SPOCK2: variants seen among roughly 807,000 people sequenced by gnomAD.
SPOCK2 encodes SPARC (osteonectin), cwcv and kazal like domains proteoglycan 2.
A neutral mutation model predicts 60.1 loss-of-function variants in SPOCK2; 39 were observed. That is an observed-to-expected ratio of 0.65 (90% CI 0.50 to 0.85). The LOEUF (loss-of-function observed/expected upper bound fraction) is 0.85, where lower values mean the gene tolerates loss of function less well. Ranked by LOEUF, SPOCK2 falls within the 40% of genes least tolerant of loss-of-function variation. SPOCK2 has a pLI of 0.00. For missense variants in SPOCK2, 523 were observed against 567.4 expected (o/e 0.92, Z 0.80); for synonymous variants, 217 against 231.5 (o/e 0.94, Z 0.57).
chr10:72,064,762 G>A (rs1840545225), intron 8 of SPOCK2, among the ~76,000 whole-genome samples: 1 of 151,852 alleles, frequency 6.6e-6, no homozygotes, highest in Non-Finnish European at 1.5e-5. Flanking sequence ...ACGGAGTCTT[G>A]CTCTGTCACC....
At position 72,061,049 on chromosome 10, in the gene SPOCK2, G is replaced by GCT. The variant is rs1333260432; in HGVS notation, c.*1710_*1711insAG. 1 of 153,096 alleles carries GCT rather than the reference G, an allele frequency of 6.5e-6. No homozygotes were observed. Among genetic ancestry groups the GCT allele is most frequent in the African/African-American group, 2.4e-5 (1 of 41,404 alleles). 9.5% of individuals were successfully genotyped at this position (153,096 alleles called of 1,614,324 possible). A position where few individuals can be genotyped will look rare whatever the true frequency, so the allele number is the denominator to read the frequency against. On this transcript the variant is annotated 3_prime_UTR_variant, in exon 11 of 11. Transcript: ENST00000373109. ...AGGATGGCCCCCAGGTTCACACACA[G>GCT]GCACACGCACACACGCTGCACTCAC...
chr10:72,080,438 GCCT>G (rs1221214810), intron 1 of SPOCK2, among the ~76,000 whole-genome samples: 1 of 152,180 alleles, frequency 6.6e-6, no homozygotes, highest in Non-Finnish European at 1.5e-5. Context: ...TGCCTCTGTG[GCCT>G]CCTCCTGCCC....
intron 3 of SPOCK2, 61 bp downstream of exon 3, chr10:72,072,442 C>T: frequency 6.2e-7 from 1 of 1,610,274 alleles, no homozygotes; most frequent in Non-Finnish European, 8.5e-7. Context: ...AAGGGCTTGC[C>T]CTCTGGTCTC....
intron 8 of SPOCK2, 87 bp downstream of exon 8, chr10:72,066,815 A>G: frequency 6.7e-7 from 1 of 1,487,662 alleles, no homozygotes; most frequent in Non-Finnish European, 9.3e-7. Flanking sequence ...GCCAAGAAAG[A>G]GCCACTCTGA....
chr10:72,070,789 T>C (rs1163489747), intron 4 of SPOCK2, among the ~76,000 whole-genome samples: 5 of 152,074 alleles, frequency 3.3e-5, no homozygotes, highest in African/African-American at 1.2e-4. Flanking sequence ...TGGGCCATAC[T>C]TGGCCACCAA....
chr10:72,063,636 G>C (rs952813558), intron 9 of SPOCK2, among the ~76,000 whole-genome samples: 3 of 152,232 alleles, frequency 2.0e-5, no homozygotes, highest in African/African-American at 7.2e-5. Flanking sequence ...CCAGGCGCCT[G>C]TGTACAGGTC....
Position 72,062,661 on chromosome 10 carries a change from G to A in SPOCK2, c.*99C>T. 2 of 1,516,970 alleles carry A rather than the reference G, an allele frequency of 1.3e-6. No individual in the cohort carries two copies. Among genetic ancestry groups the A allele is most frequent in the Non-Finnish European group, 1.8e-6 (2 of 1,141,264 alleles). 94.0% of individuals were successfully genotyped at this position (1,516,970 alleles called of 1,614,324 possible). A position where few individuals can be genotyped will look rare whatever the true frequency, so the allele number is the denominator to read the frequency against. On this transcript the variant is annotated 3_prime_UTR_variant, in exon 11 of 11. Coordinates refer to ENST00000373109, the MANE Select transcript of SPOCK2 (RefSeq NM_001244950.2). This position sits in a 1 kb window ranked among gnomAD's most constrained non-coding sequence, Gnocchi z 4.3. The stretch of plus-strand genomic sequence containing the variant: ...TCCCAGTCCCCCCAGGTGGAGCAGG[G>A]TCCTTCTGACTGCATTTCTGGATCC...
chr10:72,069,286 C>G (rs1404817548), intron 5 of SPOCK2: 1 of 152,846 alleles, frequency 6.5e-6, no homozygotes, highest in Non-Finnish European at 1.5e-5. Flanking sequence ...ATGACCTCAT[C>G]CCCACAGCAA....
At chr10:72,086,992 C>T in intron 1 of SPOCK2, 2 of 1,551,478 alleles carry the variant, frequency 1.3e-6, no homozygotes, top group South Asian at 1.2e-5. Flanking sequence ...GACGAGGGAA[C>T]CTGGGGAAGG....
At position 72,068,313 on chromosome 10, in the gene SPOCK2, G is replaced by C; in HGVS notation, c.475-12C>G. ...TGCTCCAGCTTACACTGCACATGGG[G>C]AAAGGTGGAACAGGGGACTGAGGGC... is the stretch of plus-strand genomic sequence containing the variant. On this transcript the variant is annotated splice_polypyrimidine_tract_variant and intron_variant, in intron 5 of 10. Coordinates refer to ENST00000373109, the MANE Select transcript of SPOCK2 (RefSeq NM_001244950.2). 1 of 1,600,178 alleles carries C rather than the reference G, an allele frequency of 6.2e-7. No individual in the cohort carries two copies. Among genetic ancestry groups the C allele is most frequent in the South Asian group, 1.1e-5 (1 of 89,024 alleles).
At chr10:72,083,024 C>T (rs1840807649) in intron 1 of SPOCK2, among the ~76,000 whole-genome samples, 1 of 152,104 alleles carries the variant, frequency 6.6e-6, no homozygotes, top group African/African-American at 2.4e-5. Context: ...AAATAAATCT[C>T]TGTTGTTTAA....
In SPOCK2 at chr10:72,063,173, C is replaced by A. The variant is rs1840519890; in HGVS notation, c.992-11G>T. Reference sequence around the variant, plus strand: ...TCGGGATGAAGATGCCTGAATGAGACAGTGCCAGGCAGGGTCAGAGCAGGG... The same window carrying A: ...TCGGGATGAAGATGCCTGAATGAGAAAGTGCCAGGCAGGGTCAGAGCAGGG... On this transcript the variant is annotated splice_polypyrimidine_tract_variant and intron_variant, in intron 9 of 10. Transcript: ENST00000373109. The A allele has an allele frequency of 2.6e-6, 4 of 1,555,204 alleles. No individual in the cohort carries two copies. The South Asian group carries it at 3.6e-5, about 14-fold the overall frequency.
In SPOCK2 at chr10:72,064,234, G is replaced by T. The variant is rs756119526; in HGVS notation, c.935C>A (p.Pro312His). 11 of 1,600,374 alleles carry T rather than the reference G, an allele frequency of 6.9e-6. No homozygotes were observed. The highest frequency in any genetic ancestry group is 1.3e-5 in the African/African-American group (1 of 74,416). ...GATGCGCTCCAGCTCTGCCAGGCAG[G>T]GGGGCTCTGTGGGGAGAGAAGCAGC... Reference protein sequence around the residue: ...WCFCFWREKPPCLAELERIQI... With the variant: ...WCFCFWREKPHCLAELERIQI... The change falls in exon 9 of 11, where the codon CCC (proline) becomes CAC (histidine). Residue 312 changes from proline to histidine, a missense_variant. By Grantham distance (77) the Pro-to-His change is moderately conservative (BLOSUM62 -2). Coordinates refer to ENST00000373109, the MANE Select transcript of SPOCK2 (RefSeq NM_001244950.2).
At chr10:72,074,979 T>G (rs1415047249) in intron 1 of SPOCK2, among the ~76,000 whole-genome samples, 2 of 151,762 alleles carry the variant, frequency 1.3e-5, no homozygotes, top group African/African-American at 2.4e-5. Context: ...CCTGGGAGCC[T>G]GTGGGGCACC....
At chr10:72,078,861 G>C (rs563273948) in intron 1 of SPOCK2, among the ~76,000 whole-genome samples, 1 of 152,184 alleles carries the variant, frequency 6.6e-6, no homozygotes. Flanking sequence ...AGTGACACCA[G>C]GCAATGTCGC....
chr10:72,085,939 G>A (rs1440379476), intron 1 of SPOCK2, among the ~76,000 whole-genome samples: 2 of 152,162 alleles, frequency 1.3e-5, no homozygotes, highest in Non-Finnish European at 2.9e-5. Flanking sequence ...CAACTTCAGG[G>A]GGCACCATTT....
At chr10:72,073,226 G>A (rs1005460089) in intron 1 of SPOCK2, among the ~76,000 whole-genome samples, 3 of 152,192 alleles carry the variant, frequency 2.0e-5, no homozygotes, top group Admixed American at 6.5e-5. Flanking sequence ...GATGTCCGAG[G>A]TGCCCATGCT....
At chr10:72,077,341 G>T (rs1337051556) in intron 1 of SPOCK2, among the ~76,000 whole-genome samples, 1 of 152,024 alleles carries the variant, frequency 6.6e-6, no homozygotes, top group African/African-American at 2.4e-5. Flanking sequence ...TGCTGCCCAG[G>T]CTGATCTCGA....
chr10:72,066,430 T>C (rs1456143642), intron 8 of SPOCK2, among the ~76,000 whole-genome samples: 1 of 151,436 alleles, frequency 6.6e-6, no homozygotes, highest in African/African-American at 2.4e-5. Context: ...CTTGACTTCC[T>C]AGGCTCAAGC....
Sources: allele counts gnomAD v4.1 joint callset (sites outside exome capture counted in the v4.1 genomes callset), GRCh38; gene constraint gnomAD v4.1.1; non-coding constraint Gnocchi (gnomAD v3.1); transcripts MANE v1.5; gene names NCBI Gene and HGNC (gene_info 2026-07-23, HGNC 2026-07-21).